The following SDK1 variants were observed in gnomAD, a reference collection of about 807,000 sequenced individuals.
SDK1 encodes protein sidekick-1.
A neutral mutation model predicts 245.5 loss-of-function variants in SDK1; 157 were observed. The ratio of observed to expected loss-of-function variants is 0.64; its 90% CI spans 0.56 to 0.73. The LOEUF (loss-of-function observed/expected upper bound fraction) is 0.73. Among genes scored for constraint, SDK1 ranks in the 30% least tolerant of loss-of-function variants. The probability of loss-of-function intolerance (pLI) is 0.00; values close to 1 mark genes in which losing one functional copy is unlikely to be tolerated. For synonymous variants in SDK1, 1,647 were observed against 1,278.5 expected, an observed-to-expected ratio of 1.29 and a Z score of -6.15; for missense variants, 3,583 against 3,002.3, an observed-to-expected ratio of 1.19 and a Z score of -4.52.
At chr7:3,756,222 A>G (rs1358936967) in intron 4 of SDK1, among the ~76,000 whole-genome samples, 1 of 148,368 alleles carries the variant, frequency 6.7e-6, no homozygotes, top group Non-Finnish European at 1.5e-5. Context: ...TGACACATGC[A>G]TATCTTTGAT....
chr7:3,964,457 T>C (rs976097940), intron 9 of SDK1, among the ~76,000 whole-genome samples: 1 of 152,218 alleles, frequency 6.6e-6, no homozygotes, highest in Admixed American at 6.5e-5. Context: ...CTTTTGATCT[T>C]TTTTTCCTAT....
rs1186361457 is a variant in SDK1, at chr7:4,017,210, G to A, written c.2460G>A (p.Arg820=). ...GCCTTCCCGGAGAGTACCAGCAGCG[G>A]AACATCACCAGCCCGGAGGTGAACT... The part of the protein sequence containing the change: ...LAGLPGEYQQ[R]NITSPEVNYC... The change falls in exon 17 of 45, where the codon CGG becomes CGA. Residue 820 remains arginine (R), a synonymous_variant. Transcript: ENST00000404826. 16 of 1,613,744 alleles carry A rather than the reference G, an allele frequency of 9.9e-6. No individual in the cohort carries two copies. The highest frequency in any genetic ancestry group is 1.4e-5 in the Non-Finnish European group (16 of 1,179,894).
At chr7:4,063,035 A>T (rs567617760) in intron 19 of SDK1, among the ~76,000 whole-genome samples, 2 of 152,228 alleles carry the variant, frequency 1.3e-5, no homozygotes, top group Admixed American at 6.5e-5. Context: ...CTTTCCTCTG[A>T]TAACTGGAAC....
intron 31 of SDK1, among the ~76,000 whole-genome samples, chr7:4,159,348 A>G (rs1446192467): frequency 3.9e-5 from 6 of 152,198 alleles, no homozygotes; most frequent in Non-Finnish European, 8.8e-5. Flanking sequence ...CCTTGGCCTC[A>G]GGGACCAGCA....
intron 1 of SDK1, among the ~76,000 whole-genome samples, chr7:3,609,465 A>G (rs965670239): frequency 6.6e-6 from 1 of 151,972 alleles, no homozygotes; most frequent in African/African-American, 2.4e-5. Context: ...CAGTGGTGTG[A>G]TCTCTGCTCA....
At chr7:3,625,602 C>T (rs985689783) in intron 2 of SDK1, among the ~76,000 whole-genome samples, 3 of 152,176 alleles carry the variant, frequency 2.0e-5, no homozygotes, top group African/African-American at 4.8e-5. Flanking sequence ...TTGTTTGCAA[C>T]GTCTATGGAG....
intron 4 of SDK1, among the ~76,000 whole-genome samples, chr7:3,778,301 A>G (rs1478660284): frequency 6.6e-6 from 1 of 152,228 alleles, no homozygotes; most frequent in East Asian, 1.9e-4. Context: ...ATATCTCAGC[A>G]TGAAAAAGCA....
chr7:3,713,235 G>C (rs58735482), intron 4 of SDK1, among the ~76,000 whole-genome samples: 2,548 of 152,284 alleles, frequency 0.017, 74 homozygotes, highest in African/African-American at 0.059. Context: ...CCTTTGTTAG[G>C]ATAAGAAGGA....
chr7:3,637,228 G>A (rs1229847105), intron 2 of SDK1, among the ~76,000 whole-genome samples: 2 of 152,098 alleles, frequency 1.3e-5, no homozygotes, highest in Non-Finnish European at 2.9e-5. Flanking sequence ...CCCCCAGGTA[G>A]CTGGGATTAC....
chr7:3,705,602 T>G lies in SDK1; in HGVS notation c.713+63497T>G, dbSNP rs145481622. ...TGCTACTGATTGGTATACATTGATT[T>G]TTGTGAACTGAAACTTTACTAAATT... On this transcript the variant is annotated intron_variant, in intron 4 of 44. Coordinates refer to ENST00000404826, the MANE Select transcript of SDK1 (RefSeq NM_152744.4). 3.5e-4 allele frequency among the ~76,000 whole-genome samples: 53 copies of G among 152,176 alleles called. No individual in the cohort carries two copies. In the East Asian group the frequency reaches 0.01, roughly 29 times the overall value.
At chr7:4,154,152 C>T (rs1019832884) in intron 30 of SDK1, among the ~76,000 whole-genome samples, 4 of 152,182 alleles carry the variant, frequency 2.6e-5, no homozygotes, top group African/African-American at 7.2e-5. Flanking sequence ...GAGGCAGGAA[C>T]GTGGAACTTA....
chr7:3,543,231 A>C (rs1337629153), intron 1 of SDK1, among the ~76,000 whole-genome samples: 1 of 152,270 alleles, frequency 6.6e-6, no homozygotes, highest in African/African-American at 2.4e-5. Flanking sequence ...AGAACTTGCC[A>C]TTGAAATGGC....
chr7:3,484,859 T>A (rs1426386675), intron 1 of SDK1, among the ~76,000 whole-genome samples: 3 of 152,220 alleles, frequency 2.0e-5, no homozygotes, highest in Non-Finnish European at 2.9e-5. Flanking sequence ...TGAATAGTAT[T>A]CCTTTGTGGA....
chr7:3,429,416 C>T (rs565817265), intron 1 of SDK1, among the ~76,000 whole-genome samples: 13 of 151,910 alleles, frequency 8.6e-5, no homozygotes, highest in Non-Finnish European at 1.3e-4. Context: ...TTAATCCAGG[C>T]CCTTTTAAAT....
At chr7:3,783,926 G>A (rs948515262) in intron 4 of SDK1, among the ~76,000 whole-genome samples, 4 of 152,074 alleles carry the variant, frequency 2.6e-5, no homozygotes. Context: ...AAAGCTGAAG[G>A]CATCACACTA....
At chr7:4,135,393 G>T (rs13242365) in intron 28 of SDK1, among the ~76,000 whole-genome samples, 48,384 of 152,124 alleles carry the variant, frequency 0.32, 8,943 homozygotes, top group Non-Finnish European at 0.42. Context: ...GCACTTCCAG[G>T]CCTTCGCCCT....
At chr7:3,701,307 C>A (rs1312497330) in intron 4 of SDK1, among the ~76,000 whole-genome samples, 1 of 152,222 alleles carries the variant, frequency 6.6e-6, no homozygotes, top group Non-Finnish European at 1.5e-5. Context: ...TTGTGGCCAA[C>A]ATGCCGTGTT....
intron 1 of SDK1, among the ~76,000 whole-genome samples, chr7:3,334,864 C>A (rs4722695): frequency 2.0e-5 from 3 of 151,860 alleles, no homozygotes; most frequent in African/African-American, 7.3e-5. Flanking sequence ...ATGTTTGAAA[C>A]CACTCTTGAT....
intron 20 of SDK1, among the ~76,000 whole-genome samples, chr7:4,072,604 G>C (rs572423515): frequency 5.3e-4 from 81 of 152,340 alleles, no homozygotes; most frequent in African/African-American, 1.9e-3. Context: ...GTGTCTCATT[G>C]AGAAGAGCAA....
Sources: allele counts gnomAD v4.1 joint callset (sites outside exome capture counted in the v4.1 genomes callset), GRCh38; gene constraint gnomAD v4.1.1; transcripts MANE v1.5; gene names NCBI Gene and HGNC (gene_info 2026-07-23, HGNC 2026-07-21).